Variants in ALDH1L1 observed in about 807,000 individuals in gnomAD.
ALDH1L1 encodes cytosolic 10-formyltetrahydrofolate dehydrogenase.
ALDH1L1 carries 68 observed loss-of-function variants against 101.1 expected under a neutral mutation model. The observed-to-expected ratio is 0.67, with a 90% CI of 0.55 to 0.82. The LOEUF (loss-of-function observed/expected upper bound fraction) is 0.82. Ranked by LOEUF, ALDH1L1 falls within the 40% of genes least tolerant of loss-of-function variation. The pLI, the probability that ALDH1L1 is intolerant of heterozygous loss-of-function variation, is 0.00. For missense variants in ALDH1L1, 1,087 were observed against 1,172.7 expected, an observed-to-expected ratio of 0.93 and a Z score of 1.07; for synonymous variants, 486 against 470.8, an observed-to-expected ratio of 1.03 and a Z score of -0.42.
chr3:126,115,735 CG>C (rs1278433238), intron 17 of ALDH1L1, among the ~76,000 whole-genome samples: 1 of 151,724 alleles, frequency 6.6e-6, no homozygotes, highest in East Asian at 2.0e-4. Context: ...CCACCACGCC[CG>C]GCTAATTTTT....
chr3:126,132,049 G>A (rs2080319661), intron 12 of ALDH1L1, among the ~76,000 whole-genome samples: 1 of 152,258 alleles, frequency 6.6e-6, no homozygotes, highest in African/African-American at 2.4e-5. Context: ...TGACTAGGGA[G>A]CAACGTGGGG....
At chr3:126,114,481 C>A (rs1946173634) in intron 18 of ALDH1L1, 76 bp downstream of exon 18, 1 of 1,226,032 alleles carries the variant, frequency 8.2e-7, no homozygotes, top group Non-Finnish European at 1.1e-6. Flanking sequence ...GCTGTGGAAT[C>A]AGAGACAGGG....
chr3:126,112,881 C>G lies in ALDH1L1; in HGVS notation c.2083-1G>C. 1 of 1,612,970 alleles carries G rather than the reference C, an allele frequency of 6.2e-7. No homozygotes were observed. Among genetic ancestry groups the G allele is most frequent in the Non-Finnish European group, 8.5e-7 (1 of 1,179,938 alleles). On this transcript the variant is annotated splice_acceptor_variant, in intron 18 of 22. Transcript: ENST00000393434. LOFTEE classifies it high-confidence loss of function. ...TGTTGAAGAAAACAGAACTCATCCC[C>G]TTCAGAGAATGGACAAGAACACCAG...
chr3:126,154,717 T>C (rs2080871938), intron 5 of ALDH1L1, 74 bp from the exon 6 acceptor site: 5 of 1,385,778 alleles, frequency 3.6e-6, no homozygotes. Flanking sequence ...ATCTGGACAG[T>C]GGACCAAGCT....
At chr3:126,170,072 A>T (rs1029847338) in intron 1 of ALDH1L1, among the ~76,000 whole-genome samples, 1 of 152,230 alleles carries the variant, frequency 6.6e-6, no homozygotes, top group African/African-American at 2.4e-5. Flanking sequence ...AAAAAAATAA[A>T]TAAGAAATCT....
intron 17 of ALDH1L1, 137 bp from the exon 18 acceptor site, chr3:126,114,793 T>TCCCCCCCCCCCCCC: frequency 5.0e-6 from 3 of 595,648 alleles, no homozygotes; most frequent in South Asian, 1.9e-5. Flanking sequence ...GCCTCCCCAC[T>TCCCCCCCCCCCCCC]CCCCCCCACC....
chr3:126,181,389 C>T, upstream of ALDH1L1: 1 of 297,412 alleles, frequency 3.4e-6, no homozygotes, highest in Admixed American at 4.0e-5. Flanking sequence ...AGGCGACCCT[C>T]TCGCTAAGTC....
intron 9 of ALDH1L1, among the ~76,000 whole-genome samples, chr3:126,140,693 A>G (rs1406739093): frequency 6.6e-6 from 1 of 152,100 alleles, no homozygotes; most frequent in Non-Finnish European, 1.5e-5. Context: ...TTTGTATACT[A>G]TTGAAGCTAG....
At chr3:126,184,205 C>T (rs146309146), upstream of ALDH1L1, among the ~76,000 whole-genome samples, 79 of 152,300 alleles carry the variant, frequency 5.2e-4, no homozygotes, top group East Asian at 0.013. Context: ...ACTCTCTGAA[C>T]GAGTCCCACT....
intron 8 of ALDH1L1, 86 bp downstream of exon 8, chr3:126,150,320 C>G (rs1428069131): frequency 1.3e-6 from 2 of 1,494,636 alleles, no homozygotes; most frequent in Admixed American, 4.3e-5. Flanking sequence ...GCTGGCGCTG[C>G]CCAACTCTGG....
chr3:126,184,252 G>C (rs2108350786), upstream of ALDH1L1, among the ~76,000 whole-genome samples: 1 of 152,336 alleles, frequency 6.6e-6, no homozygotes, highest in East Asian at 1.9e-4. Flanking sequence ...ACTGTGCCGG[G>C]AATGCCCTGC....
intron 8 of ALDH1L1, among the ~76,000 whole-genome samples, chr3:126,148,158 G>A (rs892200548): frequency 7.9e-5 from 12 of 152,142 alleles, no homozygotes; most frequent in Admixed American, 1.3e-4. Flanking sequence ...GGGGCAGTGC[G>A]GCAGACTGGT....
chr3:126,128,174 C>T (rs1405752913), intron 14 of ALDH1L1, among the ~76,000 whole-genome samples: 4 of 152,144 alleles, frequency 2.6e-5, no homozygotes, highest in East Asian at 3.9e-4. Flanking sequence ...CCGAGGATTC[C>T]GAGTGGAGCA....
rs532564362 is a variant in ALDH1L1 at position 126,106,917 on chromosome 3, G to C, written c.2453+224C>G. Among the ~76,000 whole-genome samples, 10 of 152,368 alleles carry C rather than the reference G, an allele frequency of 6.6e-5. 1 individual carries two copies. In the South Asian group the frequency reaches 1.9e-3, roughly 28 times the overall value. ...TGACAAGTGACAAGGACAGGGAAGG[G>C]AGCTGCCTTTGCTCACAGGGGGGAC... is the stretch of plus-strand genomic sequence containing the variant. On this transcript the variant is annotated intron_variant, in intron 21 of 22. Transcript: ENST00000393434.
In ALDH1L1 at chr3:126,109,999, A is replaced by G; in HGVS notation, c.2292T>C (p.His764=). ...HLVKLMEYCQ[H]GVKEGATLVC... ...CCAGTGTGGCCCCTTCCTTCACGCC[A>G]TGCTGGCAGTACTCCATCAGCTTCA... Residue 764 remains histidine (H), a synonymous_variant, in exon 20 of 23, where the codon CAT becomes CAC. Transcript: ENST00000393434. 4 of 1,614,178 alleles carry G rather than the reference A, an allele frequency of 2.5e-6. No individual in the cohort carries two copies. Among genetic ancestry groups the G allele is most frequent in the African/African-American group, 1.3e-5 (1 of 75,040 alleles).
intron 12 of ALDH1L1, 67 bp downstream of exon 12, chr3:126,135,468 T>C: frequency 6.4e-7 from 1 of 1,559,134 alleles, no homozygotes; most frequent in Middle Eastern, 1.7e-4. Flanking sequence ...TCCACAGAAG[T>C]CCCCCCCGTG....
At chr3:126,188,193 G>A (rs1219218493) in intron 1 of ALDH1L1, among the ~76,000 whole-genome samples, 2 of 152,214 alleles carry the variant, frequency 1.3e-5, no homozygotes, top group Admixed American at 1.3e-4. Flanking sequence ...GGACCTGTGC[G>A]GGTCCATGTT....
intron 1 of ALDH1L1, among the ~76,000 whole-genome samples, chr3:126,173,650 CAT>C (rs902130596): frequency 2.6e-5 from 4 of 152,136 alleles, no homozygotes; most frequent in African/African-American, 4.8e-5. Context: ...CCAATTAAAA[CAT>C]GTGACTATCT....
At chr3:126,126,636 C>T (rs1224754979) in intron 14 of ALDH1L1, among the ~76,000 whole-genome samples, 1 of 152,150 alleles carries the variant, frequency 6.6e-6, no homozygotes, top group Admixed American at 6.5e-5. Flanking sequence ...GCTGAGTGTT[C>T]CCAGGGAGCA....
Sources: allele counts gnomAD v4.1 joint callset (sites outside exome capture counted in the v4.1 genomes callset), GRCh38; gene constraint gnomAD v4.1.1; transcripts MANE v1.5; gene names NCBI Gene and HGNC (gene_info 2026-07-23, HGNC 2026-07-21).